The following SCN8A variants were observed in gnomAD, a reference collection of about 807,000 sequenced individuals.
The protein encoded by SCN8A is sodium voltage-gated channel alpha subunit 8, also known as sodium channel protein type 8 subunit alpha.
SCN8A carries 30 observed loss-of-function variants against 184.1 expected under a neutral mutation model. The observed-to-expected ratio is 0.16, with a 90% CI of 0.12 to 0.22. The LOEUF (loss-of-function observed/expected upper bound fraction) is 0.22. SCN8A is among the 10% of genes least tolerant of loss of function. SCN8A has a pLI of 1.00. For synonymous variants in SCN8A, 852 were observed against 907.0 expected (o/e 0.94, Z 1.09); for missense variants, 1,057 against 2,498.9 (o/e 0.42, Z 12.30).
At chr12:51,606,904 AT>A (rs1039936203) in intron 1 of SCN8A, among the ~76,000 whole-genome samples, 25 of 145,604 alleles carry the variant, frequency 1.7e-4, no homozygotes, top group South Asian at 2.2e-4. Context: ...TTATTTATTT[AT>A]TTTTTTTTTT....
At chr12:51,785,962 T>C (rs1938072795) in intron 21 of SCN8A, among the ~76,000 whole-genome samples, 1 of 152,176 alleles carries the variant, frequency 6.6e-6, no homozygotes, top group Admixed American at 6.5e-5. Context: ...TTTTATACTG[T>C]TTGGTAGAGG....
chr12:51,786,952 C>A, intron 22 of SCN8A, 126 bp downstream of exon 22: 1 of 941,122 alleles, frequency 1.1e-6, no homozygotes. Context: ...TCCAAGAAAA[C>A]AGTATTGTTC....
intron 8 of SCN8A, among the ~76,000 whole-genome samples, chr12:51,701,918 T>C (rs750564974): frequency 1.8e-4 from 27 of 152,210 alleles, no homozygotes; most frequent in Middle Eastern, 6.8e-3. Context: ...AGAGATTACA[T>C]TGAAAGAAAT....
chr12:51,705,014 C>G (rs1264851705), intron 9 of SCN8A, among the ~76,000 whole-genome samples: 1 of 152,082 alleles, frequency 6.6e-6, no homozygotes, highest in African/African-American at 2.4e-5. Context: ...GGATTTCCTT[C>G]AACTTGGACC....
intron 26 of SCN8A, among the ~76,000 whole-genome samples, chr12:51,800,345 C>T (rs1163667294): frequency 6.6e-6 from 1 of 152,224 alleles, no homozygotes; most frequent in Non-Finnish European, 1.5e-5. Flanking sequence ...TGTCGTTCTC[C>T]AAGATCTATC....
intron 1 of SCN8A, among the ~76,000 whole-genome samples, chr12:51,645,090 C>T (rs1940543670): frequency 6.7e-6 from 1 of 149,892 alleles, no homozygotes; most frequent in Admixed American, 6.6e-5. Flanking sequence ...GGGATCAGCC[C>T]CCCGCCCGGC....
chr12:51,761,957 T>C (rs1337897281), intron 14 of SCN8A, among the ~76,000 whole-genome samples: 2 of 151,764 alleles, frequency 1.3e-5, no homozygotes, highest in Non-Finnish European at 2.9e-5. Context: ...AGAAAGAAAA[T>C]ACATGAAAAT....
chr12:51,708,428 C>T (rs1941819303), intron 11 of SCN8A, among the ~76,000 whole-genome samples: 1 of 152,200 alleles, frequency 6.6e-6, no homozygotes, highest in Non-Finnish European at 1.5e-5. Flanking sequence ...TTTTGAATTT[C>T]AGAGAACACC....
chr12:51,596,475 C>G (rs535430838), intron 1 of SCN8A, among the ~76,000 whole-genome samples: 1 of 152,256 alleles, frequency 6.6e-6, no homozygotes, highest in African/African-American at 2.4e-5. Context: ...TGACTTCTTT[C>G]TGTTAAATGG....
At chr12:51,661,035 G>C (rs1373922186) in intron 1 of SCN8A, among the ~76,000 whole-genome samples, 1 of 152,176 alleles carries the variant, frequency 6.6e-6, no homozygotes, top group Non-Finnish European at 1.5e-5. Flanking sequence ...ATTCCTGTTA[G>C]GGAGTAGTGG....
At chr12:51,591,748 A>G (rs370660591) in intron 1 of SCN8A, among the ~76,000 whole-genome samples, 6 of 152,036 alleles carry the variant, frequency 3.9e-5, no homozygotes, top group African/African-American at 1.2e-4. Context: ...TGCACTGGGA[A>G]GGGCAGCGCT....
At chr12:51,740,181 A>G (rs1193493544) in intron 12 of SCN8A, among the ~76,000 whole-genome samples, 1 of 152,236 alleles carries the variant, frequency 6.6e-6, no homozygotes, top group African/African-American at 2.4e-5. Context: ...CGTTAGGGCC[A>G]TTATGAACAT....
intron 14 of SCN8A, among the ~76,000 whole-genome samples, chr12:51,757,165 G>A (rs1220673630): frequency 1.3e-5 from 2 of 152,100 alleles, no homozygotes; most frequent in East Asian, 3.9e-4. Context: ...TTTAAAACTG[G>A]GACAGTCCTT....
chr12:51,638,897 C>T (rs1940379396), intron 1 of SCN8A, among the ~76,000 whole-genome samples: 1 of 152,086 alleles, frequency 6.6e-6, no homozygotes, highest in Non-Finnish European at 1.5e-5. Flanking sequence ...AGAAGTGGAG[C>T]CTAGAGATGT....
At chr12:51,799,406 C>T (rs906909704) in intron 26 of SCN8A, among the ~76,000 whole-genome samples, 12 of 152,176 alleles carry the variant, frequency 7.9e-5, no homozygotes, top group African/African-American at 2.4e-4. Context: ...CATGGTCAAA[C>T]GTTCAGTTTC....
rs957313538 is a variant in SCN8A at position 51,809,671 on chromosome 12, G to A, written c.*2242G>A. 1 of 152,158 alleles carries A rather than the reference G, an allele frequency of 6.6e-6. No individual in the cohort carries two copies. The highest frequency in any genetic ancestry group is 2.4e-5 in the African/African-American group (1 of 41,432). 9.4% of individuals were successfully genotyped at this position (152,158 alleles called of 1,614,324 possible). ...CACAAAACAGAAGCTGACATGTGTG[G>A]TTATTCTTTTTAAGAGAATTATAAA... On this transcript the variant is annotated 3_prime_UTR_variant, in exon 27 of 27. Transcript: ENST00000627620.
At chr12:51,645,282 A>G (rs1940552848) in intron 1 of SCN8A, among the ~76,000 whole-genome samples, 1 of 137,606 alleles carries the variant, frequency 7.3e-6, no homozygotes, top group Non-Finnish European at 1.6e-5. Flanking sequence ...CCCTACTGGG[A>G]AGTGAGGAGC....
At chr12:51,798,372 CA>C (rs1209391524) in intron 26 of SCN8A, among the ~76,000 whole-genome samples, 1 of 152,196 alleles carries the variant, frequency 6.6e-6, no homozygotes, top group Non-Finnish European at 1.5e-5. Flanking sequence ...GCAGGATAAG[CA>C]AACCCATATC....
At position 51,765,656 on chromosome 12, in the gene SCN8A, T is replaced by TA; in HGVS notation, c.2545-15_2545-14insA. 1 of 1,490,582 alleles carries TA rather than the reference T, an allele frequency of 6.7e-7. No homozygotes were observed. The highest frequency in any genetic ancestry group is 9.0e-7 in the Non-Finnish European group (1 of 1,112,514). 92.3% of individuals were successfully genotyped at this position (1,490,582 alleles called of 1,614,324 possible). ...GTATCATTTATTTTTTTGTTTGGGTTTTTTTTTTCCTTAGCTCCGAGTCTT... is the reference window on the plus strand; with the variant it reads ...GTATCATTTATTTTTTTGTTTGGGTTATTTTTTTTCCTTAGCTCCGAGTCTT... On this transcript the variant is annotated splice_polypyrimidine_tract_variant and intron_variant, in intron 15 of 26. Coordinates refer to ENST00000627620, the MANE Select transcript of SCN8A (RefSeq NM_001330260.2).
Sources: allele counts gnomAD v4.1 joint callset (sites outside exome capture counted in the v4.1 genomes callset), GRCh38; gene constraint gnomAD v4.1.1; transcripts MANE v1.5; gene names NCBI Gene and HGNC (gene_info 2026-07-23, HGNC 2026-07-21).